MYLK4: variants seen among roughly 807,000 people sequenced by gnomAD.
MYLK4 encodes caMLCK like.
A neutral mutation model predicts 48.1 loss-of-function variants in MYLK4; 46 were observed. The ratio of observed to expected loss-of-function variants is 0.96; its 90% confidence interval spans 0.75 to 1.22. MYLK4 has a LOEUF of 1.22. Among genes scored for constraint, MYLK4 ranks in the 50% most tolerant of loss-of-function variants. The pLI, the probability that MYLK4 is intolerant of heterozygous loss-of-function variation, is 0.00. For synonymous variants in MYLK4, 170 were observed against 180.8 expected (o/e 0.94, Z 0.48); for missense variants, 451 against 486.1 (o/e 0.93, Z 0.68).
chr6:2,723,713 C>A (rs1291448287), intron 2 of MYLK4, among the ~76,000 whole-genome samples: 1 of 152,182 alleles, frequency 6.6e-6, no homozygotes, highest in Non-Finnish European at 1.5e-5. Flanking sequence ...GCTCTGCCTC[C>A]AGTCATCTCT....
At position 2,734,881 on chromosome 6, in the gene MYLK4, T is replaced by C. The variant is rs1763613852; in HGVS notation, c.159+14255A>G. ...TTCAGGAACCCTGATGATATGCAGA[T>C]TCCTATTCAGCAGGTTGGATGGGGC... is the stretch of plus-strand genomic sequence containing the variant. On this transcript the variant is annotated intron_variant, in intron 2 of 12. Coordinates refer to ENST00000274643, the MANE Select transcript of MYLK4 (RefSeq NM_001012418.5). Among the ~76,000 whole-genome samples the C allele has an allele frequency of 5.9e-5, 9 of 152,178 alleles. No individual in the cohort carries two copies. In the South Asian group the frequency reaches 1.9e-3, roughly 32 times the overall value.
At chr6:2,709,297 C>T (rs966565087) in intron 2 of MYLK4, among the ~76,000 whole-genome samples, 4 of 152,200 alleles carry the variant, frequency 2.6e-5, no homozygotes, top group Non-Finnish European at 4.4e-5. Flanking sequence ...AAGAAAACAT[C>T]ATTTTACATC....
At chr6:2,729,423 T>G (rs1397194136) in intron 2 of MYLK4, among the ~76,000 whole-genome samples, 1 of 152,206 alleles carries the variant, frequency 6.6e-6, no homozygotes, top group South Asian at 2.1e-4. Flanking sequence ...GCAAAGGAGC[T>G]CGCACCTCTC....
At chr6:2,740,439 G>A (rs939283984) in intron 2 of MYLK4, among the ~76,000 whole-genome samples, 1 of 152,230 alleles carries the variant, frequency 6.6e-6, no homozygotes, top group Admixed American at 6.5e-5. Flanking sequence ...CAGGGGGATA[G>A]TCACTCCACA....
chr6:2,723,696 G>C (rs568057204), intron 2 of MYLK4, among the ~76,000 whole-genome samples: 1 of 152,150 alleles, frequency 6.6e-6, no homozygotes, highest in Non-Finnish European at 1.5e-5. Context: ...TGGTCGGGCT[G>C]TGGGTAGCTC....
At chr6:2,697,518 T>G (rs1461570441) in intron 2 of MYLK4, among the ~76,000 whole-genome samples, 1 of 152,370 alleles carries the variant, frequency 6.6e-6, no homozygotes, top group East Asian at 1.9e-4. Flanking sequence ...TACCTGGGCA[T>G]GAGTGCGCTC....
At chr6:2,694,625 G>A (rs1195977788) in intron 2 of MYLK4, among the ~76,000 whole-genome samples, 4 of 44,516 alleles carry the variant, frequency 9.0e-5, no homozygotes, top group South Asian at 8.1e-4. Context: ...TGGTGATGGC[G>A]GTTGTAGTGG....
the MYLK4 span, among the ~76,000 whole-genome samples, chr6:2,756,333 G>A: frequency 6.6e-6 from 1 of 152,106 alleles, no homozygotes; most frequent in Non-Finnish European, 1.5e-5. Flanking sequence ...ATTGGCCAAC[G>A]GAAGTGCCTT....
Position 2,675,276 on chromosome 6 carries a change from A to G in MYLK4, c.1041-151T>C, listed in dbSNP as rs538395875. 4.6e-6 allele frequency: 3 copies of G among 654,190 alleles called. No homozygotes were observed. The East Asian group carries it at 8.0e-5, about 17-fold the overall frequency. The allele number at this position is 654,190 out of a possible 1,614,324, so 40.5% of individuals were successfully genotyped here. ...TCTGCCTTCTCTTGAATTGTGTGCTATCAATGATGGCATAGGTGACTATCG... is the reference window on the plus strand; with the variant it reads ...TCTGCCTTCTCTTGAATTGTGTGCTGTCAATGATGGCATAGGTGACTATCG... On this transcript the variant is annotated intron_variant, in intron 10 of 12. Transcript: ENST00000274643.
the MYLK4 span, among the ~76,000 whole-genome samples, chr6:2,762,268 A>G: frequency 3.3e-5 from 5 of 152,206 alleles, no homozygotes; most frequent in African/African-American, 1.2e-4. Context: ...TGAAAACCCT[A>G]TTAACAATAA....
At position 2,685,415 on chromosome 6, in the gene MYLK4, A is replaced by T; in HGVS notation, c.436-10T>A. ...CGTTCTTCACCTCCTCCTGAGAAGCAGGAAACAGTGCATTAGTGTGGTCAA... is the reference window on the plus strand; with the variant it reads ...CGTTCTTCACCTCCTCCTGAGAAGCTGGAAACAGTGCATTAGTGTGGTCAA... On this transcript the variant is annotated splice_polypyrimidine_tract_variant and intron_variant, in intron 5 of 12. Transcript: ENST00000274643. This position sits in a 1 kb window ranked among gnomAD's most constrained non-coding sequence, Gnocchi z 4.5. 1 of 1,423,092 alleles carries T rather than the reference A, an allele frequency of 7.0e-7. No homozygotes were observed. The highest frequency in any genetic ancestry group is 9.5e-7 in the Non-Finnish European group (1 of 1,052,822). 88.2% of individuals were successfully genotyped at this position (1,423,092 alleles called of 1,614,324 possible).
At chr6:2,750,689 A>C (rs558861196) in intron 1 of MYLK4, 47 bp downstream of exon 1, 1 of 152,330 alleles carries the variant, frequency 6.6e-6, no homozygotes, top group African/African-American at 2.4e-5. Flanking sequence ...ACTTAGAAAA[A>C]AGGGGAGGAG....
intron 2 of MYLK4, among the ~76,000 whole-genome samples, chr6:2,711,292 T>C (rs1233847754): frequency 6.6e-6 from 1 of 152,240 alleles, no homozygotes; most frequent in Non-Finnish European, 1.5e-5. Flanking sequence ...AATCATGGTA[T>C]TACCATCAAC....
chr6:2,760,555 A>G, the MYLK4 span, among the ~76,000 whole-genome samples: 3 of 152,198 alleles, frequency 2.0e-5, no homozygotes, highest in African/African-American at 7.2e-5. Flanking sequence ...GAGTTGCTTC[A>G]TTAGCATTAT....
the MYLK4 span, chr6:2,766,342 C>T: frequency 6.8e-6 from 11 of 1,610,542 alleles, no homozygotes; most frequent in East Asian, 2.2e-5. Context: ...AGGATTACTT[C>T]GGGCAGAGCA....
At chr6:2,737,087 G>T (rs1175576532) in intron 2 of MYLK4, among the ~76,000 whole-genome samples, 10 of 152,150 alleles carry the variant, frequency 6.6e-5, no homozygotes, top group Non-Finnish European at 1.5e-5. Flanking sequence ...GGCCGAGGTG[G>T]GCAGATCACG....
intron 2 of MYLK4, among the ~76,000 whole-genome samples, chr6:2,742,113 T>C (rs1244725306): frequency 6.6e-6 from 1 of 152,190 alleles, no homozygotes; most frequent in Non-Finnish European, 1.5e-5. Flanking sequence ...CTTTCTTCCA[T>C]CTCTTTCACT....
intron 2 of MYLK4, among the ~76,000 whole-genome samples, chr6:2,716,826 T>C (rs1471417671): frequency 6.6e-6 from 1 of 152,200 alleles, no homozygotes; most frequent in Non-Finnish European, 1.5e-5. Flanking sequence ...TTTATGAATA[T>C]AAAATGAATG....
intron 2 of MYLK4, among the ~76,000 whole-genome samples, chr6:2,700,166 CTCTT>C (rs2113210359): frequency 6.6e-6 from 1 of 152,266 alleles, no homozygotes; most frequent in Admixed American, 6.5e-5. Context: ...CTTGAGGCCG[CTCTT>C]TCTTTCCCTC....
Sources: gnomAD v4.1 joint callset for allele counts (sites outside exome capture counted in the v4.1 genomes callset) on GRCh38, gnomAD v4.1.1 for gene constraint, Gnocchi (gnomAD v3.1) non-coding constraint, MANE v1.5 for transcripts, NCBI Gene and HGNC (gene_info 2026-07-23, HGNC 2026-07-21) for gene names.